The following APBB2 variants were observed in gnomAD, a reference collection of about 807,000 sequenced individuals.
APBB2 encodes Fe65-like 1.
APBB2 carries 38 observed loss-of-function variants against 82.5 expected under a neutral mutation model. The observed-to-expected ratio is 0.46, with a 90% CI of 0.36 to 0.60. APBB2 has a LOEUF of 0.60. Ranked by LOEUF, APBB2 falls within the 20% of genes least tolerant of loss-of-function variation. The pLI is 0.00. For missense variants in APBB2, 772 were observed against 972.3 expected, an observed-to-expected ratio of 0.79 and a Z score of 2.74; for synonymous variants, 341 against 368.2, an observed-to-expected ratio of 0.93 and a Z score of 0.85.
intron 2 of APBB2, among the ~76,000 whole-genome samples, chr4:41,118,439 T>C (rs1751789433): frequency 6.6e-6 from 1 of 152,182 alleles, no homozygotes. Context: ...CATATCATGG[T>C]ATTTTTATGA....
intron 10 of APBB2, among the ~76,000 whole-genome samples, chr4:40,931,114 A>C (rs551670998): frequency 6.6e-6 from 1 of 152,236 alleles, no homozygotes; most frequent in South Asian, 2.1e-4. Flanking sequence ...TTCTTGGTGG[A>C]CTGCAAGAAT....
At chr4:40,831,216 A>G (rs1463801238) in intron 12 of APBB2, among the ~76,000 whole-genome samples, 1 of 152,016 alleles carries the variant, frequency 6.6e-6, no homozygotes, top group Non-Finnish European at 1.5e-5. Flanking sequence ...TGGCCAACAC[A>G]GTGAAACTCT....
At chr4:41,198,478 T>C in intron 1 of APBB2, among the ~76,000 whole-genome samples, 1 of 152,222 alleles carries the variant, frequency 6.6e-6, no homozygotes, top group Non-Finnish European at 1.5e-5. Flanking sequence ...CATATATTGT[T>C]TTATCCTCAA....
At chr4:40,843,065 T>C (rs1263627517) in intron 12 of APBB2, among the ~76,000 whole-genome samples, 1 of 152,208 alleles carries the variant, frequency 6.6e-6, no homozygotes, top group African/African-American at 2.4e-5. Flanking sequence ...CTGAGCTGCC[T>C]GGGACCCTAA....
In APBB2 at chr4:41,067,341, G is replaced by A. The variant is rs868329727; in HGVS notation, c.-148-1668C>T. 5.9e-5 allele frequency among the ~76,000 whole-genome samples: 9 copies of A among 152,050 alleles called. 1 individual carries two copies. The South Asian group carries it at 6.2e-4, about 11-fold the overall frequency. Reference sequence around the variant, plus strand: ...GGAAAATCGCTTGAACCTGGGAGGCGGAGGTTGTAGTAAGCTGAGATCGTG... The same window carrying A: ...GGAAAATCGCTTGAACCTGGGAGGCAGAGGTTGTAGTAAGCTGAGATCGTG... On this transcript the variant is annotated intron_variant, in intron 3 of 17. Transcript: ENST00000508593.
chr4:40,837,693 T>C (rs571387216), intron 12 of APBB2, among the ~76,000 whole-genome samples: 1 of 152,356 alleles, frequency 6.6e-6, no homozygotes, highest in African/African-American at 2.4e-5. Context: ...AGGAGCCATC[T>C]GCTGCCCATA....
intron 10 of APBB2, among the ~76,000 whole-genome samples, chr4:40,919,780 C>T (rs1780779984): frequency 6.6e-6 from 1 of 152,248 alleles, no homozygotes; most frequent in Non-Finnish European, 1.5e-5. Flanking sequence ...ATCAAAGCAT[C>T]TCTACAACAC....
chr4:41,166,539 C>T (rs1353067009), intron 1 of APBB2, among the ~76,000 whole-genome samples: 2 of 150,782 alleles, frequency 1.3e-5, no homozygotes, highest in Non-Finnish European at 2.9e-5. Flanking sequence ...GATTGCACCA[C>T]TGCACTCCAG....
chr4:41,015,164 A>G (rs1809536521), intron 5 of APBB2, among the ~76,000 whole-genome samples: 1 of 152,226 alleles, frequency 6.6e-6, no homozygotes, highest in Non-Finnish European at 1.5e-5. Context: ...AGCTGTTTGC[A>G]GTCATCACAT....
intron 10 of APBB2, among the ~76,000 whole-genome samples, chr4:40,928,610 G>T (rs2154372107): frequency 6.6e-6 from 1 of 150,564 alleles, no homozygotes; most frequent in East Asian, 2.0e-4. Flanking sequence ...ATGTGGCCAG[G>T]TGCAGTGGCT....
At chr4:41,008,053 G>C (rs1406803305) in intron 6 of APBB2, among the ~76,000 whole-genome samples, 2 of 152,200 alleles carry the variant, frequency 1.3e-5, no homozygotes, top group African/African-American at 4.8e-5. Flanking sequence ...TAGAGGAATG[G>C]AAAGATCCCC....
At chr4:41,130,105 G>A (rs977216093) in intron 2 of APBB2, among the ~76,000 whole-genome samples, 1 of 152,212 alleles carries the variant, frequency 6.6e-6, no homozygotes, top group African/African-American at 2.4e-5. Context: ...CAATGGCCCT[G>A]AGGCAGAAAT....
At chr4:40,827,883 G>A (rs979180115) in intron 13 of APBB2, among the ~76,000 whole-genome samples, 2 of 152,132 alleles carry the variant, frequency 1.3e-5, no homozygotes, top group African/African-American at 2.4e-5. Flanking sequence ...CCTTAATTCC[G>A]ATGTGTTATG....
chr4:40,901,030 T>C (rs373767432), intron 10 of APBB2, among the ~76,000 whole-genome samples: 1 of 152,018 alleles, frequency 6.6e-6, no homozygotes, highest in African/African-American at 2.4e-5. Context: ...AAGAGTAAGG[T>C]GCAACTATGG....
intron 6 of APBB2, among the ~76,000 whole-genome samples, chr4:40,973,005 A>T (rs938552293): frequency 2.3e-4 from 35 of 152,370 alleles, no homozygotes; most frequent in African/African-American, 8.4e-4. Context: ...AGTGGTATGT[A>T]CAATAAACAC....
rs137955183 is a variant in APBB2 at position 41,142,311 on chromosome 4, T to C, written c.-261+676A>G. On this transcript the variant is annotated intron_variant, in intron 2 of 17. Transcript: ENST00000508593. Reference sequence around the variant, plus strand: ...CACTTTACTGCCTCATATGGGGTTATCCATGCTGTTTCATTCACCTGGCCC... The same window carrying C: ...CACTTTACTGCCTCATATGGGGTTACCCATGCTGTTTCATTCACCTGGCCC... Among the ~76,000 whole-genome samples, 5 of 152,354 alleles carry C rather than the reference T, an allele frequency of 3.3e-5. No individual in the cohort carries two copies. In the East Asian group the frequency reaches 9.6e-4, roughly 29 times the overall value.
chr4:40,974,576 T>C (rs1019400714), intron 6 of APBB2, among the ~76,000 whole-genome samples: 1 of 152,250 alleles, frequency 6.6e-6, no homozygotes, highest in Non-Finnish European at 1.5e-5. Flanking sequence ...ACCACTTCTC[T>C]GTTATAGAAT....
chr4:40,831,423 A>T (rs1751867016), intron 12 of APBB2, among the ~76,000 whole-genome samples: 1 of 151,812 alleles, frequency 6.6e-6, no homozygotes, highest in Non-Finnish European at 1.5e-5. Context: ...AAAAAAAAAC[A>T]TAACTTCAAA....
Position 40,857,563 on chromosome 4 carries a change from C to T in APBB2, c.1530-26986G>A, listed in dbSNP as rs540832451. ...TCGGCTCACTGCAACCTCCGCTTCC[C>T]AGGTTCAAGCGATTCTCCTGCCTCA... is the stretch of plus-strand genomic sequence containing the variant. On this transcript the variant is annotated intron_variant, in intron 12 of 17. Transcript: ENST00000508593. 3.3e-5 allele frequency among the ~76,000 whole-genome samples: 5 copies of T among 152,252 alleles called. No homozygotes were observed. The East Asian group carries it at 9.7e-4, about 29-fold the overall frequency.
Sources: allele counts gnomAD v4.1 joint callset (sites outside exome capture counted in the v4.1 genomes callset), GRCh38; gene constraint gnomAD v4.1.1; transcripts MANE v1.5; gene names NCBI Gene and HGNC (gene_info 2026-07-23, HGNC 2026-07-21).